Variants in VPS13C observed in about 807,000 individuals in gnomAD.
VPS13C encodes the protein vacuolar protein sorting 13 homolog C, also known as intermembrane lipid transfer protein VPS13C.
In VPS13C, 358 loss-of-function variants were observed where a neutral mutation model predicts 456.8. The observed-to-expected ratio is 0.78, with a 90% CI of 0.72 to 0.86. The LOEUF is 0.86. Ranked by LOEUF, VPS13C falls within the 40% of genes least tolerant of loss-of-function variation. The pLI is 0.00. For missense variants in VPS13C, 4,818 were observed against 4,385.4 expected (o/e 1.10, Z -2.79); for synonymous variants, 1,578 against 1,486.7 (o/e 1.06, Z -1.41).
chr15:61,854,294 A>G lies in VPS13C; in HGVS notation c.*163T>C. The G allele has an allele frequency of 3.0e-6, 2 of 675,288 alleles. No homozygotes were observed. The highest frequency in any genetic ancestry group is 5.1e-6 in the Non-Finnish European group (2 of 390,252). 41.8% of individuals were successfully genotyped at this position (675,288 alleles called of 1,614,324 possible). On this transcript the variant is annotated 3_prime_UTR_variant, in exon 85 of 85. Transcript: ENST00000644861. ...ATACATGGTTACAAAATTAGAGTAA[A>G]AACTAAAAGGTGAAAAAACTAGAAA...
chr15:61,892,002 G>A (rs981343718), intron 66 of VPS13C, among the ~76,000 whole-genome samples: 2 of 152,132 alleles, frequency 1.3e-5, no homozygotes, highest in African/African-American at 2.4e-5. Context: ...GGCACTGCAT[G>A]CAGGAAATTC....
At chr15:61,954,304 G>C in intron 38 of VPS13C, 117 bp downstream of exon 38, 1 of 1,130,376 alleles carries the variant, frequency 8.8e-7, no homozygotes, top group South Asian at 1.5e-5. Flanking sequence ...TGCTACATGT[G>C]AACAGCCCAC....
chr15:62,059,229 G>C (rs2048906386), intron 1 of VPS13C, among the ~76,000 whole-genome samples: 1 of 152,144 alleles, frequency 6.6e-6, no homozygotes. Context: ...CATACAGCAA[G>C]TCTCAATTAG....
Position 61,915,747 on chromosome 15 carries a change from C to A in VPS13C, c.8331G>T (p.Lys2777Asn). ...AACGATACTGGAGAACCCGGGTAGT[C>A]TTGTTGATTAACCAATAGGGACTAA... ...SVFSPYWLINKTTRVLQYRSE... is the reference protein window; with the variant it reads ...SVFSPYWLINNTTRVLQYRSE... The change falls in exon 61 of 85, where the codon AAG becomes AAT. Residue 2777 changes from lysine (K) to asparagine (N), a missense_variant. Lys to Asn is a moderately conservative substitution (Grantham distance 94). Around this residue, in one of 3 missense-constraint regions of VPS13C, gnomAD observed 4,552 missense variants for 4,130.6 expected, o/e 1.10. Transcript: ENST00000644861. 1 of 1,614,158 alleles carries A rather than the reference C, an allele frequency of 6.2e-7. No homozygotes were observed. Among genetic ancestry groups the A allele is most frequent in the Non-Finnish European group, 8.5e-7 (1 of 1,180,038 alleles).
intron 8 of VPS13C, among the ~76,000 whole-genome samples, chr15:62,021,213 G>A (rs1443004539): frequency 6.6e-6 from 1 of 151,694 alleles, no homozygotes; most frequent in Non-Finnish European, 1.5e-5. Context: ...TATGGGTGAT[G>A]GAGACACTAA....
intron 53 of VPS13C, among the ~76,000 whole-genome samples, chr15:61,923,861 CTTTT>C (rs1188960583): frequency 0.064 from 4,829 of 74,900 alleles, 164 homozygotes; most frequent in East Asian, 0.23. Context: ...CCCTCTAAAT[CTTTT>C]TTTTTTTTTT....
rs1173865229 is a variant in VPS13C, at chr15:61,867,749, G to C, written c.10863+910C>G. ...TCTTATTTCTGGACAGTATTACCAG[G>C]AATACCACAAGTTTTTATTTGTAGT... On this transcript the variant is annotated intron_variant, in intron 81 of 84. Transcript: ENST00000644861. This position sits in a 1 kb window ranked among gnomAD's most constrained non-coding sequence, Gnocchi z 5.0. The C allele has an allele frequency of 4.8e-6, 7 of 1,468,176 alleles. No individual in the cohort carries two copies. In the Admixed American group the frequency reaches 1.8e-4, roughly 37 times the overall value. 90.9% of individuals were successfully genotyped at this position (1,468,176 alleles called of 1,614,324 possible).
intron 46 of VPS13C, 62 bp from the exon 47 acceptor site, chr15:61,940,856 C>G: frequency 6.6e-7 from 1 of 1,506,588 alleles, no homozygotes; most frequent in Non-Finnish European, 8.9e-7. Context: ...GAGGACTATC[C>G]TATTGTGTAA....
chr15:61,982,477 T>C lies in VPS13C; in HGVS notation c.2011A>G (p.Lys671Glu), dbSNP rs948627720. ...TCTTCACCTGTAGCTGTTCTCTCCT[T>C]AATTTCTTCCAGCTTCATCAATGTT... ...SATLMKLEEIKERTATGLTHI... is the reference protein window; with the variant it reads ...SATLMKLEEIEERTATGLTHI... Residue 671 changes from lysine to glutamate, a missense_variant, in exon 21 of 85, where the codon AAG becomes GAG. Coordinates refer to ENST00000644861, the MANE Select transcript of VPS13C (RefSeq NM_020821.3). 1 of 1,608,372 alleles carries C rather than the reference T, an allele frequency of 6.2e-7. No homozygotes were observed. Among genetic ancestry groups the C allele is most frequent in the Non-Finnish European group, 8.5e-7 (1 of 1,178,208 alleles).
At chr15:62,031,785 T>C (rs530198247) in intron 5 of VPS13C, among the ~76,000 whole-genome samples, 1 of 151,972 alleles carries the variant, frequency 6.6e-6, no homozygotes, top group African/African-American at 2.4e-5. Context: ...AAACCATTCA[T>C]AATAGCCTCT....
intron 18 of VPS13C, among the ~76,000 whole-genome samples, chr15:61,986,909 TAG>T (rs1195765111): frequency 6.6e-6 from 1 of 151,614 alleles, no homozygotes; most frequent in Admixed American, 6.6e-5. Flanking sequence ...TAAGGAAAAA[TAG>T]AGATATTTTC....
intron 51 of VPS13C, among the ~76,000 whole-genome samples, chr15:61,928,552 A>T (rs548072536): frequency 7.3e-4 from 111 of 152,342 alleles, no homozygotes; most frequent in African/African-American, 2.5e-3. Flanking sequence ...TACATTAGAG[A>T]GAAAAATATC....
At chr15:61,959,325 G>C in intron 36 of VPS13C, 123 bp downstream of exon 36, 1 of 763,720 alleles carries the variant, frequency 1.3e-6, no homozygotes, top group Non-Finnish European at 1.9e-6. Context: ...GTTGGACAAA[G>C]TCTCACTGAA....
In VPS13C at chr15:61,991,622, GT is replaced by G. The variant is rs564551647; in HGVS notation, c.1483+50del. On this transcript the variant is annotated intron_variant, in intron 17 of 84. Transcript: ENST00000644861. ...CAACAGGGAAGATATAATTTACACA[GT>G]TTTTTTTTAACTTAACACTGTACAA... 271 of 1,503,408 alleles carry G rather than the reference GT, an allele frequency of 1.8e-4. 1 individual carries two copies. Among genetic ancestry groups the G allele is most frequent in the South Asian group, 1.5e-3 (106 of 72,434 alleles). 93.1% of individuals were successfully genotyped at this position (1,503,408 alleles called of 1,614,324 possible).
chr15:62,004,069 T>C (rs1189622838), intron 15 of VPS13C, among the ~76,000 whole-genome samples: 2 of 152,050 alleles, frequency 1.3e-5, no homozygotes, highest in Non-Finnish European at 2.9e-5. Flanking sequence ...CTTTTTCTAT[T>C]GATTGGAATA....
In VPS13C at chr15:61,875,840, C is replaced by T. The variant is rs746599174; in HGVS notation, c.10230G>A (p.Leu3410=). ...CCAATACAAGGACATACATCTGTTT[C>T]AAGAACTAAAAAAGAAAAAAAATTA... ...SVVRHYSEQF[L]KQMYVLVLGL... Residue 3410 remains leucine (L), a synonymous_variant, in exon 76 of 85, where the codon TTG becomes TTA. Transcript: ENST00000644861. The T allele has an allele frequency of 3.2e-6, 5 of 1,569,760 alleles. No homozygotes were observed. The South Asian group carries it at 3.6e-5, about 11-fold the overall frequency.
At chr15:61,952,115 C>T in intron 38 of VPS13C, 135 bp from the exon 39 acceptor site, 1 of 1,059,952 alleles carries the variant, frequency 9.4e-7, no homozygotes, top group Non-Finnish European at 1.3e-6. Flanking sequence ...TCTATTTGTG[C>T]CTGCAGTTTG....
Position 61,920,194 on chromosome 15 carries a change from T to C in VPS13C, c.7350A>G (p.Lys2450=), listed in dbSNP as rs2043605447. Residue 2450 remains lysine, a synonymous_variant, in exon 57 of 85, where the codon AAA becomes AAG. Coordinates refer to ENST00000644861, the MANE Select transcript of VPS13C (RefSeq NM_020821.3). ...CNLRVMGFPE[K]SDIFDVDAGQ... is the part of the protein sequence containing the mutation. Reference sequence around the variant, plus strand: ...CAGCATCAACATCAAAAATATCACTTTTCTCAGGGAAGCCCATTACTCTGA... The same window carrying C: ...CAGCATCAACATCAAAAATATCACTCTTCTCAGGGAAGCCCATTACTCTGA... The C allele has an allele frequency of 2.5e-6, 4 of 1,613,484 alleles. No individual in the cohort carries two copies. In the African/African-American group the frequency reaches 4.0e-5, roughly 16 times the overall value.
rs755046793 is a variant in VPS13C, at chr15:61,884,159, T to C, written c.9452A>G (p.His3151Arg). 22 of 1,604,396 alleles carry C rather than the reference T, an allele frequency of 1.4e-5. No individual in the cohort carries two copies. The highest frequency in any genetic ancestry group is 6.8e-5 in the Admixed American group (4 of 58,560). The change falls in exon 68 of 85, where the codon CAT (histidine) becomes CGT (arginine). Residue 3151 changes from histidine to arginine, a missense_variant. Around this residue, in one of 3 missense-constraint regions of VPS13C, gnomAD observed 4,552 missense variants for 4,130.6 expected, o/e 1.10. Transcript: ENST00000644861. ...ATTATTATCTAGCTTAATCCAGCCA[T>C]GGTCTCTTGATATTTGATGTTTCTG... Reference protein sequence around the residue: ...SYQKHQISRDHGWIKLDNNFE... With the variant: ...SYQKHQISRDRGWIKLDNNFE...
Sources: gnomAD v4.1 joint callset for allele counts (sites outside exome capture counted in the v4.1 genomes callset) on GRCh38, gnomAD v4.1.1 for gene constraint, gnomAD v4.1.1 regional missense constraint, Gnocchi (gnomAD v3.1) non-coding constraint, MANE v1.5 for transcripts, NCBI Gene and HGNC (gene_info 2026-07-23, HGNC 2026-07-21) for gene names.